Variants in LRRC37A2 observed in about 807,000 individuals in gnomAD.
LRRC37A2 encodes leucine rich repeat containing 37 member A2.
LRRC37A2 carries 9 observed loss-of-function variants against 68.8 expected under a neutral mutation model. The observed-to-expected ratio is 0.13, with a 90% CI of 0.08 to 0.23. LRRC37A2 has a LOEUF of 0.23. Ranked by LOEUF, LRRC37A2 falls within the 10% of genes least tolerant of loss-of-function variation. The probability of loss-of-function intolerance (pLI) is 1.00; values close to 1 mark genes in which losing one functional copy is unlikely to be tolerated. For missense variants in LRRC37A2, 168 were observed against 950.4 expected (o/e 0.18, Z 10.82); for synonymous variants, 63 against 367.6 (o/e 0.17, Z 9.48).
the LRRC37A2 span, among the ~76,000 whole-genome samples, chr17:46,913,822 C>A: frequency 3.3e-5 from 5 of 152,094 alleles, no homozygotes; most frequent in African/African-American, 1.2e-4. Context: ...TGCAGTGGCA[C>A]GATCTCGGCT....
the LRRC37A2 span, among the ~76,000 whole-genome samples, chr17:46,733,722 T>C: frequency 1.1e-3 from 165 of 152,280 alleles, 1 homozygote; most frequent in African/African-American, 3.9e-3. Context: ...CAGGTATAAC[T>C]CATTTGAAGC....
chr17:46,927,513 A>G, the LRRC37A2 span, among the ~76,000 whole-genome samples: 1 of 152,158 alleles, frequency 6.6e-6, no homozygotes, highest in African/African-American at 2.4e-5. Flanking sequence ...GAAAGTTTGA[A>G]AGCTGCTCTG....
chr17:47,019,405 C>G, the LRRC37A2 span: 1 of 1,611,140 alleles, frequency 6.2e-7, no homozygotes, highest in South Asian at 1.1e-5. Context: ...GTTAAACCAT[C>G]TCCAACCACG....
chr17:46,935,805 A>G, the LRRC37A2 span: 2 of 986,426 alleles, frequency 2.0e-6, no homozygotes, highest in Admixed American at 6.1e-5. Flanking sequence ...CAGAAACATT[A>G]CACAGACTCT....
the LRRC37A2 span, among the ~76,000 whole-genome samples, chr17:46,912,888 G>T: frequency 6.6e-6 from 1 of 152,206 alleles, no homozygotes; most frequent in Non-Finnish European, 1.5e-5. Context: ...CTACCTGGAG[G>T]GTGGTTTATG....
chr17:46,949,956 C>T, the LRRC37A2 span, among the ~76,000 whole-genome samples: 3 of 152,226 alleles, frequency 2.0e-5, no homozygotes, highest in Non-Finnish European at 2.9e-5. Context: ...TGCCCTCCTC[C>T]AGTCCCTGGT....
the LRRC37A2 span, among the ~76,000 whole-genome samples, chr17:46,635,818 T>TGTGTGTGTGTGTGTGTGTGTGTGC: frequency 4.3e-5 from 6 of 138,358 alleles, no homozygotes; most frequent in African/African-American, 1.3e-4. Context: ...TGTGTGTGTG[T>TGTGTGTGTGTGTGTGTGTGTGTGC]GCTCGTGTGT....
At chr17:46,793,376 T>A in the LRRC37A2 span, among the ~76,000 whole-genome samples, 1 of 148,202 alleles carries the variant, frequency 6.7e-6, no homozygotes, top group Admixed American at 6.8e-5. Flanking sequence ...GGGAAGGAAG[T>A]GCTCAGGTCC....
the LRRC37A2 span, among the ~76,000 whole-genome samples, chr17:46,403,764 T>G: frequency 2.2e-5 from 2 of 89,512 alleles, 1 homozygote; most frequent in African/African-American, 7.9e-5. Flanking sequence ...AGTGACACGA[T>G]CTCAGCTCAC....
At chr17:46,825,713 C>T in the LRRC37A2 span, among the ~76,000 whole-genome samples, 1 of 152,190 alleles carries the variant, frequency 6.6e-6, no homozygotes. Flanking sequence ...GGACCAAATA[C>T]GTAAATGTTT....
chr17:46,551,358 A>G (rs1253248124), intron 11 of LRRC37A2, among the ~76,000 whole-genome samples: 6 of 150,558 alleles, frequency 4.0e-5, no homozygotes, highest in African/African-American at 7.5e-5. Context: ...AAAGCTGGCA[A>G]CCTTGACGCT....
chr17:46,956,003 A>G, the LRRC37A2 span, among the ~76,000 whole-genome samples: 1 of 152,128 alleles, frequency 6.6e-6, no homozygotes, highest in African/African-American at 2.4e-5. Flanking sequence ...GGAATGGAAA[A>G]TCTTTCCATG....
At chr17:46,553,342 A>C in intron 11 of LRRC37A2, 58 bp from the exon 11 acceptor site, 2 of 1,608,586 alleles carry the variant, frequency 1.2e-6, no homozygotes, top group Non-Finnish European at 1.7e-6. Context: ...ATCAATACAG[A>C]TTTGGAGACG....
At chr17:46,807,350 C>T in the LRRC37A2 span, among the ~76,000 whole-genome samples, 2 of 152,150 alleles carry the variant, frequency 1.3e-5, no homozygotes, top group Admixed American at 6.5e-5. Context: ...GGTGTGGTGG[C>T]GCATGCCTAT....
the LRRC37A2 span, among the ~76,000 whole-genome samples, chr17:46,823,360 G>A: frequency 1.1e-4 from 16 of 150,084 alleles, no homozygotes; most frequent in Non-Finnish European, 2.4e-4. Flanking sequence ...GATTACATGT[G>A]CCCGCCACCA....
the LRRC37A2 span, chr17:46,487,089 G>A: frequency 6.5e-6 from 5 of 772,470 alleles, 1 homozygote; most frequent in East Asian, 5.5e-5. Context: ...CAGAAAGCCT[G>A]CAAGTGATGA....
the LRRC37A2 span, among the ~76,000 whole-genome samples, chr17:46,908,415 GA>G: frequency 6.6e-6 from 1 of 152,194 alleles, no homozygotes; most frequent in East Asian, 1.9e-4. Context: ...TGGAGGCGCT[GA>G]AAATAGGGTA....
At chr17:46,797,255 C>T in the LRRC37A2 span, among the ~76,000 whole-genome samples, 6 of 152,144 alleles carry the variant, frequency 3.9e-5, no homozygotes, top group African/African-American at 7.2e-5. Flanking sequence ...ACACACTATG[C>T]GATGTCCTAC....
At chr17:46,542,518 TATATATAGATATAG>T (rs1397960820) in intron 8 of LRRC37A2, among the ~76,000 whole-genome samples, 2 of 146,942 alleles carry the variant, frequency 1.4e-5, no homozygotes, top group Non-Finnish European at 3.0e-5. Context: ...TTGCAGGATA[TATATATAGATATAG>T]ATATATATAT....
Sources: allele counts gnomAD v4.1 joint callset (sites outside exome capture counted in the v4.1 genomes callset), GRCh38; gene constraint gnomAD v4.1.1; transcripts MANE v1.5; gene names NCBI Gene and HGNC (gene_info 2026-07-23, HGNC 2026-07-21).